NBEAL1: variants seen among roughly 807,000 people sequenced by gnomAD.
The protein encoded by NBEAL1 is neurobeachin like 1.
A neutral mutation model predicts 351.3 loss-of-function variants in NBEAL1; 273 were observed. The ratio of observed to expected loss-of-function variants is 0.78; its 90% CI spans 0.70 to 0.86. The LOEUF (loss-of-function observed/expected upper bound fraction) is 0.86, where lower values mean the gene tolerates loss of function less well. NBEAL1 is among the 40% of genes least tolerant of loss of function. The pLI is 0.00. For missense variants in NBEAL1, 2,961 were observed against 3,201.3 expected (o/e 0.92, Z 1.81); for synonymous variants, 1,050 against 1,086.4 (o/e 0.97, Z 0.66).
At chr2:203,041,382 A>C (rs2061138188) in intron 2 of NBEAL1, among the ~76,000 whole-genome samples, 2 of 152,210 alleles carry the variant, frequency 1.3e-5, no homozygotes, top group Non-Finnish European at 2.9e-5. Flanking sequence ...AGCCATTCAG[A>C]TACCTGGGAG....
At chr2:203,108,278 A>T in intron 14 of NBEAL1, 90 bp downstream of exon 14, 1 of 1,005,532 alleles carries the variant, frequency 9.9e-7, no homozygotes, top group Non-Finnish European at 1.4e-6. Flanking sequence ...CCAAGCATCT[A>T]GCTTTTAGAT....
chr2:203,147,779 C>T (rs1011675680), intron 33 of NBEAL1, among the ~76,000 whole-genome samples: 5 of 151,812 alleles, frequency 3.3e-5, no homozygotes, highest in African/African-American at 1.2e-4. Flanking sequence ...TTGAACATCC[C>T]TATAGTTATA....
Position 203,138,239 on chromosome 2 carries a change from C to A in NBEAL1, c.4643C>A (p.Ala1548Asp). The change falls in exon 30 of 56, where the codon GCC (alanine) becomes GAC (aspartate). Residue 1548 changes from alanine (A) to aspartate (D), a missense_variant. Ala to Asp is a moderately radical substitution (Grantham distance 126, BLOSUM62 -2). Transcript: ENST00000683969. The stretch of plus-strand genomic sequence containing the variant: ...ACTAATCCAGTAACTGCTGAAAACG[C>A]CTTCCGACTAGTGCTGATCATACAG... ...AKTNPVTAEN[A>D]FRLVLIIQDF... The A allele has an allele frequency of 1.2e-6, 2 of 1,614,018 alleles. No individual in the cohort carries two copies. Among genetic ancestry groups the A allele is most frequent in the Non-Finnish European group, 1.7e-6 (2 of 1,179,916 alleles).
intron 3 of NBEAL1, among the ~76,000 whole-genome samples, chr2:203,045,485 A>T (rs188354834): frequency 6.6e-6 from 1 of 152,330 alleles, no homozygotes; most frequent in East Asian, 1.9e-4. Flanking sequence ...CCAAAGCTAC[A>T]AGTGAAATGG....
At chr2:203,141,341 G>GATTATTATTATTATTATTATT (rs1245124579) in intron 31 of NBEAL1, among the ~76,000 whole-genome samples, 3 of 38,660 alleles carry the variant, frequency 7.8e-5, no homozygotes, top group Admixed American at 4.6e-4. Flanking sequence ...AGATAAGACA[G>GATTATTATTATTATTATTATT]ATTATTATTA....
intron 38 of NBEAL1, among the ~76,000 whole-genome samples, chr2:203,168,539 C>T (rs904145436): frequency 2.0e-5 from 3 of 152,140 alleles, no homozygotes; most frequent in East Asian, 1.9e-4. Flanking sequence ...GCCGAGATCA[C>T]GCTATTGCAC....
intron 51 of NBEAL1, among the ~76,000 whole-genome samples, chr2:203,208,299 G>A (rs972736058): frequency 6.6e-6 from 1 of 152,028 alleles, no homozygotes; most frequent in Admixed American, 6.6e-5. Flanking sequence ...AAAAAATAAG[G>A]TTATTCAGAA....
intron 55 of NBEAL1, among the ~76,000 whole-genome samples, chr2:203,215,556 C>T (rs542602332): frequency 1.7e-4 from 26 of 152,056 alleles, no homozygotes; most frequent in Admixed American, 4.6e-4. Flanking sequence ...GGTGTGGTGG[C>T]GCATGCCTGT....
At chr2:203,201,098 A>T (rs921135838) in intron 49 of NBEAL1, among the ~76,000 whole-genome samples, 1 of 152,238 alleles carries the variant, frequency 6.6e-6, no homozygotes, top group Non-Finnish European at 1.5e-5. Flanking sequence ...AACAGTCATC[A>T]TAAGTGTTGT....
chr2:203,066,136 A>C (rs951812721), intron 6 of NBEAL1, among the ~76,000 whole-genome samples: 2 of 152,212 alleles, frequency 1.3e-5, no homozygotes, highest in Non-Finnish European at 2.9e-5. Flanking sequence ...CTTTAGAATG[A>C]GTCATTGATC....
chr2:203,169,086 T>C lies in NBEAL1; in HGVS notation c.5998-661T>C, dbSNP rs1001872331. Among the ~76,000 whole-genome samples, 4 of 152,094 alleles carry C rather than the reference T, an allele frequency of 2.6e-5. No homozygotes were observed. In the East Asian group the frequency reaches 5.8e-4, roughly 22 times the overall value. On this transcript the variant is annotated intron_variant, in intron 38 of 55. Coordinates refer to ENST00000683969, the MANE Select transcript of NBEAL1 (RefSeq NM_001378026.1). The stretch of plus-strand genomic sequence containing the variant: ...TTGCAGAACTAAATTTGAAGTATAC[T>C]TGAGCAAGTTTTCTAATTCCAAGTC...
At chr2:203,025,743 T>C (rs1239414317) in intron 2 of NBEAL1, among the ~76,000 whole-genome samples, 1 of 152,190 alleles carries the variant, frequency 6.6e-6, no homozygotes, top group Non-Finnish European at 1.5e-5. Flanking sequence ...GGACACTTGG[T>C]ATCTGTCCTC....
At chr2:203,138,401 G>A (rs1416610932) in intron 30 of NBEAL1, 86 bp downstream of exon 30, 13 of 1,246,750 alleles carry the variant, frequency 1.0e-5, no homozygotes, top group East Asian at 9.5e-5. Context: ...TTTTTAGAGC[G>A]TTAATGCTTA....
chr2:203,155,771 T>C (rs2063783640), intron 35 of NBEAL1, among the ~76,000 whole-genome samples: 1 of 152,196 alleles, frequency 6.6e-6, no homozygotes, highest in Non-Finnish European at 1.5e-5. Flanking sequence ...CTTTCTTAGC[T>C]CTGCTGCTTA....
intron 2 of NBEAL1, among the ~76,000 whole-genome samples, chr2:203,028,753 C>T (rs1443337568): frequency 6.6e-6 from 1 of 151,922 alleles, no homozygotes; most frequent in Non-Finnish European, 1.5e-5. Flanking sequence ...TGGGTGCCTG[C>T]TGTATGCACA....
intron 43 of NBEAL1, chr2:203,181,364 G>T (rs943055409): frequency 3.3e-5 from 5 of 152,050 alleles, no homozygotes; most frequent in Admixed American, 3.3e-4. Flanking sequence ...GAAAAATTTG[G>T]TAACTCCTGA....
At position 203,149,021 on chromosome 2, in the gene NBEAL1, G is replaced by C. The variant is rs1243367627; in HGVS notation, c.5335G>C (p.Ala1779Pro). The C allele has an allele frequency of 1.2e-6, 2 of 1,609,536 alleles. No individual in the cohort carries two copies. The highest frequency in any genetic ancestry group is 2.2e-5 in the South Asian group (2 of 90,210). ...ELFVEPFNRK[A>P]RQENLRYNNM... The stretch of plus-strand genomic sequence containing the variant: ...GTTTGTGGAGCCATTTAATCGAAAA[G>C]CACGCCAAGAGAACCTGAGGTATAA... Residue 1779 changes from alanine to proline, a missense_variant, in exon 34 of 56, where the codon GCA becomes CCA. By Grantham distance (27) the Ala-to-Pro change is conservative. Transcript: ENST00000683969.
intron 37 of NBEAL1, among the ~76,000 whole-genome samples, chr2:203,166,587 C>T (rs1349686502): frequency 6.6e-6 from 1 of 152,168 alleles, no homozygotes; most frequent in South Asian, 2.1e-4. Context: ...ACTCTTGTTG[C>T]CCAGGCTGGA....
In NBEAL1 at chr2:203,108,055, G is replaced by A. The variant is rs1198138915; in HGVS notation, c.1816G>A (p.Ala606Thr). Residue 606 changes from alanine (A) to threonine (T), a missense_variant, in exon 14 of 56, where the codon GCA (alanine) becomes ACA (threonine). Ala to Thr is a moderately conservative substitution (Grantham distance 58). Transcript: ENST00000683969. ...GTATTTCAATTTGTCACATAGTATG[G>A]CAGGAATTTCTGTGCCTCCCATACA... Reference protein sequence around the residue: ...LQYFNLSHSMAGISVPPIQKW... With the variant: ...LQYFNLSHSMTGISVPPIQKW... 6.4e-7 allele frequency: 1 copy of A among 1,552,806 alleles called. No individual in the cohort carries two copies.
Sources: allele counts gnomAD v4.1 joint callset (sites outside exome capture counted in the v4.1 genomes callset), GRCh38; gene constraint gnomAD v4.1.1; transcripts MANE v1.5; gene names NCBI Gene and HGNC (gene_info 2026-07-23, HGNC 2026-07-21).